Variants in GABRA3 observed in about 807,000 individuals in gnomAD.
The protein encoded by GABRA3 is gamma-aminobutyric acid receptor subunit alpha-3.
A neutral mutation model predicts 30.1 loss-of-function variants in GABRA3; 10 were observed. That is an observed-to-expected ratio of 0.33 (90% confidence interval 0.20 to 0.56). The LOEUF is 0.56. GABRA3 is among the 20% of genes least tolerant of loss of function. The pLI, the probability that GABRA3 is intolerant of heterozygous loss-of-function variation, is 0.89. For synonymous variants in GABRA3, 151 were observed against 146.8 expected (o/e 1.03, Z -0.21); for missense variants, 233 against 392.0 (o/e 0.59, Z 3.42).
At chrX:152,388,684 C>A (rs921830736) in intron 1 of GABRA3, among the ~76,000 whole-genome samples, 49 of 112,220 alleles carry the variant, frequency 4.4e-4, no homozygotes, top group African/African-American at 1.6e-3. Context: ...CTGGAGCACA[C>A]AACTATAGGA....
At chrX:152,435,866 G>A (rs1490630577) in intron 1 of GABRA3, among the ~76,000 whole-genome samples, 1 of 111,186 alleles carries the variant, frequency 9.0e-6, no homozygotes. Flanking sequence ...TAATTGTATT[G>A]CTATGCACTA....
At chrX:152,320,010 A>C (rs187854481) in intron 3 of GABRA3, among the ~76,000 whole-genome samples, 1 of 111,579 alleles carries the variant, frequency 9.0e-6, no homozygotes. Flanking sequence ...ATGCAAATAA[A>C]ATCCACAATG....
At chrX:152,330,052 A>G (rs1226289916) in intron 3 of GABRA3, among the ~76,000 whole-genome samples, 1 of 112,189 alleles carries the variant, frequency 8.9e-6, no homozygotes, top group Non-Finnish European at 1.9e-5. Context: ...ATGAACATAC[A>G]CTTCTCAAAA....
At chrX:152,178,188 G>A (rs1411097130) in intron 9 of GABRA3, among the ~76,000 whole-genome samples, 1 of 111,278 alleles carries the variant, frequency 9.0e-6, no homozygotes, top group Non-Finnish European at 1.9e-5. Flanking sequence ...TGAGTACTGG[G>A]ACCATGTAGT....
chrX:152,336,189 T>C (rs1055278163), intron 3 of GABRA3, among the ~76,000 whole-genome samples: 2 of 109,004 alleles, frequency 1.8e-5, no homozygotes, highest in Non-Finnish European at 3.8e-5. Context: ...TCTCCCCCCC[T>C]TCATTTTTTG....
chrX:152,317,662 G>A (rs1939899167), intron 3 of GABRA3, among the ~76,000 whole-genome samples: 2 of 111,647 alleles, frequency 1.8e-5, no homozygotes, highest in African/African-American at 3.2e-5. Flanking sequence ...AACTCCAAAA[G>A]GAACCTTCAA....
intron 3 of GABRA3, among the ~76,000 whole-genome samples, chrX:152,288,640 T>G (rs2124441968): frequency 8.9e-6 from 1 of 112,064 alleles, no homozygotes; most frequent in East Asian, 2.8e-4. Flanking sequence ...CTTCAGCTCC[T>G]CTATGTGAAG....
chrX:152,269,865 T>C (rs1280510356), intron 4 of GABRA3, among the ~76,000 whole-genome samples: 1 of 112,060 alleles, frequency 8.9e-6, no homozygotes, highest in African/African-American at 3.2e-5. Context: ...AAGACTTAAA[T>C]TTAAGACTTA....
intron 1 of GABRA3, among the ~76,000 whole-genome samples, chrX:152,417,311 A>G (rs1218392184): frequency 3.9e-5 from 4 of 103,666 alleles, no homozygotes; most frequent in South Asian, 4.6e-4. Context: ...AATGCAAATC[A>G]AAACCACAAT....
chrX:152,370,504 T>G (rs1928807148), intron 1 of GABRA3, among the ~76,000 whole-genome samples: 1 of 112,320 alleles, frequency 8.9e-6, no homozygotes, highest in South Asian at 3.7e-4. Flanking sequence ...ATTCTGGATA[T>G]ACCACATAGA....
intron 4 of GABRA3, among the ~76,000 whole-genome samples, chrX:152,272,156 C>A (rs1938953850): frequency 9.0e-6 from 1 of 111,560 alleles, no homozygotes; most frequent in Non-Finnish European, 1.9e-5. Context: ...AATGGTAGAT[C>A]CATGGACAGC....
At chrX:152,273,307 C>T (rs185447879) in intron 4 of GABRA3, among the ~76,000 whole-genome samples, 93 of 111,765 alleles carry the variant, frequency 8.3e-4, no homozygotes, top group African/African-American at 2.7e-3. Flanking sequence ...TGCAAGGATG[C>T]GATAAAAGGG....
At chrX:152,419,119 C>T (rs1930310592) in intron 1 of GABRA3, among the ~76,000 whole-genome samples, 1 of 108,652 alleles carries the variant, frequency 9.2e-6, no homozygotes, top group Non-Finnish European at 1.9e-5. Context: ...GGAAGGGGAA[C>T]ATCACACACC....
At chrX:152,336,129 G>T (rs1449280507) in intron 3 of GABRA3, among the ~76,000 whole-genome samples, 1 of 110,986 alleles carries the variant, frequency 9.0e-6, no homozygotes, top group African/African-American at 3.3e-5. Flanking sequence ...TATGTTAAAA[G>T]ATTTTTTCTA....
At chrX:152,239,427 T>G (rs1225841386) in intron 5 of GABRA3, among the ~76,000 whole-genome samples, 1 of 101,968 alleles carries the variant, frequency 9.8e-6, no homozygotes, top group South Asian at 4.6e-4. Flanking sequence ...TGTGGTCAAT[T>G]TTGGAATAGG....
intron 3 of GABRA3, among the ~76,000 whole-genome samples, chrX:152,288,266 G>A (rs1939333247): frequency 8.9e-6 from 1 of 111,914 alleles, no homozygotes; most frequent in African/African-American, 3.2e-5. Flanking sequence ...AAATCGGGCT[G>A]TCTTGGGGCA....
intron 1 of GABRA3, among the ~76,000 whole-genome samples, chrX:152,439,900 G>A (rs1479921285): frequency 9.0e-6 from 1 of 111,724 alleles, no homozygotes; most frequent in Non-Finnish European, 1.9e-5. Flanking sequence ...GTAAACCTAA[G>A]ACCTAAAACC....
intron 1 of GABRA3, among the ~76,000 whole-genome samples, chrX:152,414,196 T>C (rs1930147983): frequency 9.0e-6 from 1 of 111,194 alleles, no homozygotes; most frequent in South Asian, 3.7e-4. Context: ...ACCACCTTTA[T>C]TTTTAATAGG....
At chrX:152,245,957 C>A (rs1393490442) in intron 5 of GABRA3, among the ~76,000 whole-genome samples, 1 of 111,881 alleles carries the variant, frequency 8.9e-6, no homozygotes, top group Non-Finnish European at 1.9e-5. Flanking sequence ...GTAATTGGCA[C>A]ATAGCAGATG....
Sources: gnomAD v4.1 joint callset for allele counts (sites outside exome capture counted in the v4.1 genomes callset) on GRCh38, gnomAD v4.1.1 for gene constraint, MANE v1.5 for transcripts, NCBI Gene and HGNC (gene_info 2026-07-23, HGNC 2026-07-21) for gene names.